Variants in EPHA6 observed in about 807,000 individuals in gnomAD.
The protein encoded by EPHA6 is EPH receptor A6.
Under a neutral mutation model 112.0 loss-of-function variants are expected in EPHA6, and 50 were observed. That is an observed-to-expected ratio of 0.45 (90% confidence interval 0.36 to 0.56). The LOEUF (loss-of-function observed/expected upper bound fraction) is 0.56. Ranked by LOEUF, EPHA6 falls within the 20% of genes least tolerant of loss-of-function variation. The pLI is 0.00. For missense variants in EPHA6, 1,280 were observed against 1,417.4 expected, an observed-to-expected ratio of 0.90 and a Z score of 1.56; for synonymous variants, 529 against 490.7, an observed-to-expected ratio of 1.08 and a Z score of -1.03.
intron 15 of EPHA6, among the ~76,000 whole-genome samples, chr3:97,731,692 T>G (rs955827214): frequency 3.3e-5 from 5 of 152,044 alleles, no homozygotes; most frequent in Non-Finnish European, 7.4e-5. Flanking sequence ...TTTTGAGACC[T>G]AAATTAGGTA....
chr3:97,003,848 C>T (rs1028163816), intron 3 of EPHA6, among the ~76,000 whole-genome samples: 2 of 144,048 alleles, frequency 1.4e-5, no homozygotes, highest in Non-Finnish European at 3.0e-5. Flanking sequence ...TCCACGTGTT[C>T]TTAATGGATG....
At chr3:97,199,559 G>A (rs937087362) in intron 3 of EPHA6, among the ~76,000 whole-genome samples, 6 of 152,140 alleles carry the variant, frequency 3.9e-5, no homozygotes, top group Admixed American at 3.3e-4. Flanking sequence ...TTTCCTGACC[G>A]ATAGAGCCTT....
At chr3:97,620,074 G>A (rs1409402491) in intron 13 of EPHA6, among the ~76,000 whole-genome samples, 5 of 152,004 alleles carry the variant, frequency 3.3e-5, no homozygotes, top group Admixed American at 3.3e-4. Flanking sequence ...CAGACACATA[G>A]ACCAGTGGAA....
At chr3:97,398,855 T>TGC (rs1428656388) in intron 5 of EPHA6, among the ~76,000 whole-genome samples, 1 of 151,518 alleles carries the variant, frequency 6.6e-6, no homozygotes, top group African/African-American at 2.4e-5. Context: ...GGTATATATT[T>TGC]ATAGGGTACA....
chr3:97,049,217 G>A (rs991663411), intron 3 of EPHA6, among the ~76,000 whole-genome samples: 1 of 152,150 alleles, frequency 6.6e-6, no homozygotes, highest in African/African-American at 2.4e-5. Flanking sequence ...GGAGAAATTT[G>A]ATCAGATAAG....
intron 5 of EPHA6, among the ~76,000 whole-genome samples, chr3:97,376,494 TTA>T (rs1414880477): frequency 5.3e-5 from 8 of 152,332 alleles, no homozygotes; most frequent in African/African-American, 1.9e-4. Flanking sequence ...TAACAGTATG[TTA>T]TCAGAATCAG....
chr3:97,228,539 G>GTGTATATA (rs1312112951), intron 4 of EPHA6, among the ~76,000 whole-genome samples: 1 of 145,998 alleles, frequency 6.8e-6, no homozygotes, highest in African/African-American at 2.5e-5. Flanking sequence ...GTGTGTGTGT[G>GTGTATATA]TATATATATA....
intron 8 of EPHA6, 150 bp from the exon 9 acceptor site, chr3:97,479,144 T>A: frequency 2.0e-6 from 1 of 509,966 alleles, no homozygotes; most frequent in Non-Finnish European, 3.4e-6. Context: ...ATAAAAAACC[T>A]ACTATAGAAT....
chr3:97,587,832 A>G (rs1377801468), intron 11 of EPHA6, among the ~76,000 whole-genome samples: 1 of 152,198 alleles, frequency 6.6e-6, no homozygotes, highest in Non-Finnish European at 1.5e-5. Context: ...TATGTAAGAA[A>G]CAACATGGTC....
At chr3:97,439,890 T>C (rs957883647) in intron 6 of EPHA6, among the ~76,000 whole-genome samples, 1 of 152,190 alleles carries the variant, frequency 6.6e-6, no homozygotes, top group South Asian at 2.1e-4. Flanking sequence ...GCAGAAATTT[T>C]AGTAGTTCAA....
rs1344123006 is a variant in EPHA6, at chr3:97,483,938, C to T, written c.2079C>T (p.Arg693=). ...RRNHLQNGHL[R]FPGIKTYIDP... The stretch of plus-strand genomic sequence containing the variant: ...GTTTTGTTATTGTTGTTGCAGTGCG[C>T]TTCCCGGGAATTAAAACTTACATTG... The change falls in exon 10 of 18, where the codon CGC becomes CGT. Residue 693 remains arginine (R), a synonymous_variant. Transcript: ENST00000389672. 3 of 1,594,746 alleles carry T rather than the reference C, an allele frequency of 1.9e-6. No individual in the cohort carries two copies. Among genetic ancestry groups the T allele is most frequent in the Middle Eastern group, 1.7e-4 (1 of 6,036 alleles).
chr3:97,563,120 A>G (rs1420587573), intron 11 of EPHA6, among the ~76,000 whole-genome samples: 2 of 152,164 alleles, frequency 1.3e-5, no homozygotes, highest in Admixed American at 6.6e-5. Flanking sequence ...CCAAACCCAC[A>G]GTATCTCTGA....
At chr3:96,965,447 A>G (rs1283246859) in intron 2 of EPHA6, among the ~76,000 whole-genome samples, 5 of 152,114 alleles carry the variant, frequency 3.3e-5, no homozygotes, top group Non-Finnish European at 7.4e-5. Context: ...ATCTTCTCAT[A>G]TACTTGTTAT....
In EPHA6 at chr3:97,617,593, C is replaced by T. The variant is rs537496874; in HGVS notation, c.2574+6739C>T. ...AAATAAAGTGATGCAGGAAAATTTA[C>T]CAAGCAAATGGACAACAGAAAAAAC... On this transcript the variant is annotated intron_variant, in intron 13 of 17. Transcript: ENST00000389672. 3.9e-5 allele frequency among the ~76,000 whole-genome samples: 6 copies of T among 152,192 alleles called. No homozygotes were observed. In the East Asian group the frequency reaches 7.7e-4, roughly 20 times the overall value.
Position 97,233,136 on chromosome 3 carries a change from A to C in EPHA6, c.1270+6717A>C, listed in dbSNP as rs553237622. On this transcript the variant is annotated intron_variant, in intron 4 of 17. Coordinates refer to ENST00000389672, the MANE Select transcript of EPHA6 (RefSeq NM_001080448.3). ...CCACCAATTATGGTTTTAGAGAGATAGTTTAACAGCCACCTGACCATCACC... is the reference window on the plus strand; with the variant it reads ...CCACCAATTATGGTTTTAGAGAGATCGTTTAACAGCCACCTGACCATCACC... 8.8e-4 allele frequency among the ~76,000 whole-genome samples: 134 copies of C among 152,174 alleles called. 1 individual carries two copies. Among genetic ancestry groups the C allele is most frequent in the East Asian group, 1.5e-3 (8 of 5,166 alleles).
intron 5 of EPHA6, among the ~76,000 whole-genome samples, chr3:97,384,057 A>G (rs77894723): frequency 0.027 from 4,069 of 152,240 alleles, 72 homozygotes; most frequent in Middle Eastern, 0.058. Flanking sequence ...TTTTTTCTAG[A>G]TTTATAATGT....
chr3:97,258,131 T>C (rs146126539), intron 5 of EPHA6, among the ~76,000 whole-genome samples: 22 of 152,222 alleles, frequency 1.4e-4, no homozygotes, highest in South Asian at 8.3e-4. Flanking sequence ...ATATTTTCTA[T>C]TGGACAGTCA....
At chr3:97,654,407 A>G (rs1031286022) in intron 14 of EPHA6, among the ~76,000 whole-genome samples, 6 of 151,970 alleles carry the variant, frequency 3.9e-5, no homozygotes, top group Non-Finnish European at 8.8e-5. Context: ...GTCACTGGAC[A>G]TATTCCAATA....
At chr3:96,969,270 C>A (rs2042232997) in intron 2 of EPHA6, among the ~76,000 whole-genome samples, 1 of 151,746 alleles carries the variant, frequency 6.6e-6, no homozygotes, top group Non-Finnish European at 1.5e-5. Flanking sequence ...AATAATATAA[C>A]CAATTGTAAT....
Sources: gnomAD v4.1 joint callset for allele counts (sites outside exome capture counted in the v4.1 genomes callset) on GRCh38, gnomAD v4.1.1 for gene constraint, MANE v1.5 for transcripts, NCBI Gene and HGNC (gene_info 2026-07-23, HGNC 2026-07-21) for gene names.